CYB5R4: variants seen among roughly 807,000 people sequenced by gnomAD.
The protein encoded by CYB5R4 is N-terminal cytochrome b5 and cytochrome b5 oxidoreductase domain-containing protein.
In CYB5R4, 55 loss-of-function variants were observed where a neutral mutation model predicts 70.2. The ratio of observed to expected loss-of-function variants is 0.78; its 90% CI spans 0.63 to 0.98. The LOEUF (loss-of-function observed/expected upper bound fraction) is 0.98, where lower values mean the gene tolerates loss of function less well. Ranked by LOEUF, CYB5R4 falls within the 50% of genes least tolerant of loss-of-function variation. CYB5R4 has a pLI of 0.00. For missense variants in CYB5R4, 562 were observed against 612.6 expected, an observed-to-expected ratio of 0.92 and a Z score of 0.87; for synonymous variants, 197 against 199.5, an observed-to-expected ratio of 0.99 and a Z score of 0.11.
intron 2 of CYB5R4, among the ~76,000 whole-genome samples, chr6:83,864,566 T>C (rs1371088934): frequency 6.6e-6 from 1 of 152,232 alleles, no homozygotes; most frequent in Non-Finnish European, 1.5e-5. Context: ...CTTGCTTCCT[T>C]GTACTGCATT....
At chr6:83,892,483 T>C (rs565158694) in intron 2 of CYB5R4, among the ~76,000 whole-genome samples, 2 of 152,340 alleles carry the variant, frequency 1.3e-5, no homozygotes, top group Admixed American at 6.5e-5. Context: ...GCTAGATTTG[T>C]CTGGTATCTA....
At chr6:83,923,835 A>G (rs1002898171) in intron 9 of CYB5R4, among the ~76,000 whole-genome samples, 1 of 151,782 alleles carries the variant, frequency 6.6e-6, no homozygotes, top group Admixed American at 6.6e-5. Context: ...AGAGGCTGAC[A>G]TGGGCGGATC....
intron 4 of CYB5R4, among the ~76,000 whole-genome samples, chr6:83,913,103 A>C (rs2099464943): frequency 6.6e-6 from 1 of 152,212 alleles, no homozygotes. Context: ...CTTATTGTAC[A>C]CTGAAAATAG....
chr6:83,939,950 AG>A (rs1262078851), intron 12 of CYB5R4, 105 bp from the exon 13 acceptor site: 3 of 708,810 alleles, frequency 4.2e-6, no homozygotes, highest in South Asian at 1.9e-5. Flanking sequence ...GTTACTCCTC[AG>A]TGTTTTAAAT....
chr6:83,900,103 T>C (rs971744591), intron 3 of CYB5R4, among the ~76,000 whole-genome samples: 11 of 152,208 alleles, frequency 7.2e-5, no homozygotes, highest in Non-Finnish European at 1.6e-4. Context: ...TGTGGGCATT[T>C]AGTGCTTTAA....
chr6:83,891,684 T>TG (rs1035211111), intron 2 of CYB5R4, among the ~76,000 whole-genome samples: 1 of 152,182 alleles, frequency 6.6e-6, no homozygotes, highest in Non-Finnish European at 1.5e-5. Flanking sequence ...TTTTTTCGTC[T>TG]GGAAAGCATG....
At chr6:83,864,401 A>G (rs979121659) in intron 2 of CYB5R4, 73 bp downstream of exon 2, 14 of 1,321,520 alleles carry the variant, frequency 1.1e-5, no homozygotes, top group Middle Eastern at 2.5e-4. Context: ...ATAACCTCAC[A>G]GTCATGTTAT....
At chr6:83,928,299 G>A (rs966673760) in intron 10 of CYB5R4, among the ~76,000 whole-genome samples, 1 of 152,166 alleles carries the variant, frequency 6.6e-6, no homozygotes, top group African/African-American at 2.4e-5. Flanking sequence ...TTTCCCAGGT[G>A]GAAGATAGAA....
intron 10 of CYB5R4, among the ~76,000 whole-genome samples, chr6:83,933,240 A>G (rs1229072432): frequency 2.6e-5 from 4 of 152,214 alleles, no homozygotes; most frequent in African/African-American, 9.6e-5. Flanking sequence ...GTGCCCTGGC[A>G]CTAGAGTGAG....
rs1310779714 is a variant in CYB5R4 at position 83,962,493 on chromosome 6, TTAA to T, written c.*2616_*2618del. 1 of 152,162 alleles carries T rather than the reference TTAA, an allele frequency of 6.6e-6. No individual in the cohort carries two copies. The highest frequency in any genetic ancestry group is 2.4e-5 in the African/African-American group (1 of 41,428). The allele number at this position is 152,162 out of a possible 1,614,324, so 9.4% of individuals were successfully genotyped here. On this transcript the variant is annotated 3_prime_UTR_variant, in exon 16 of 16. Transcript: ENST00000369681. ...CATTTGCTTGCAAATTCTGCTTTTT[TTAA>T]AAAAAAGTTTATTAATTTTCTATTG...
rs1219210106 is a variant in CYB5R4, at chr6:83,961,385, G to GT, written c.*1508dup. The GT allele has an allele frequency of 6.6e-6, 1 of 151,808 alleles. No homozygotes were observed. Among genetic ancestry groups the GT allele is most frequent in the Admixed American group, 6.6e-5 (1 of 15,240 alleles). The allele number at this position is 151,808 out of a possible 1,614,324, so 9.4% of individuals were successfully genotyped here. A position where few individuals can be genotyped will look rare whatever the true frequency, so the allele number is the denominator to read the frequency against. On this transcript the variant is annotated 3_prime_UTR_variant, in exon 16 of 16. Coordinates refer to ENST00000369681, the MANE Select transcript of CYB5R4 (RefSeq NM_016230.4). ...CCTCACCCAAATCTCCTCTCAAATTGTAATTCCCACATGTCGAGGGAGGGT... is the reference window on the plus strand; with the variant it reads ...CCTCACCCAAATCTCCTCTCAAATTGTTAATTCCCACATGTCGAGGGAGGGT...
intron 4 of CYB5R4, chr6:83,910,179 A>G: frequency 6.4e-7 from 1 of 1,562,590 alleles, no homozygotes; most frequent in Non-Finnish European, 8.7e-7. Flanking sequence ...GTGAGCAAGG[A>G]CAAGACATCT....
intron 2 of CYB5R4, among the ~76,000 whole-genome samples, chr6:83,892,627 T>G (rs1391947252): frequency 6.6e-6 from 1 of 152,168 alleles, no homozygotes; most frequent in Non-Finnish European, 1.5e-5. Flanking sequence ...AAAGAAATAT[T>G]TGGAGAAGAC....
Position 83,940,592 on chromosome 6 carries a change from A to C in CYB5R4, c.1337A>C (p.Lys446Thr). ...WRSQLEKLAF[K>T]DKRLDVEFVL... ...AGCCAATTGGAGAAATTAGCATTTA[A>C]AGATAAAAGGTATTAAACTGATATT... Residue 446 changes from lysine to threonine, a missense_variant, in exon 14 of 16, where the codon AAA (lysine) becomes ACA (threonine). Physicochemically the swap from Lys to Thr is moderately conservative, Grantham distance 78. Transcript: ENST00000369681. 6.2e-7 allele frequency: 1 copy of C among 1,601,508 alleles called. No individual in the cohort carries two copies. The highest frequency in any genetic ancestry group is 1.1e-5 in the South Asian group (1 of 88,244).
intron 13 of CYB5R4, 81 bp downstream of exon 13, chr6:83,940,287 G>A: frequency 7.8e-7 from 1 of 1,279,322 alleles, no homozygotes; most frequent in Non-Finnish European, 1.1e-6. Context: ...TTACTCACTG[G>A]ACCTTAATAG....
chr6:83,897,523 G>A (rs568905688), intron 3 of CYB5R4, among the ~76,000 whole-genome samples: 2 of 152,294 alleles, frequency 1.3e-5, no homozygotes, highest in Non-Finnish European at 2.9e-5. Flanking sequence ...AACAGTAAAA[G>A]TGTTCCTGTT....
chr6:83,873,983 G>A (rs1562827260), intron 2 of CYB5R4, among the ~76,000 whole-genome samples: 1 of 152,128 alleles, frequency 6.6e-6, no homozygotes, highest in Non-Finnish European at 1.5e-5. Context: ...TGTGATAAAA[G>A]AAATTATGTA....
intron 2 of CYB5R4, among the ~76,000 whole-genome samples, chr6:83,865,545 C>A (rs35963130): frequency 0.044 from 6,741 of 152,228 alleles, 153 homozygotes; most frequent in African/African-American, 0.051. Flanking sequence ...ACTTCATCTT[C>A]ACGTGGCATA....
At chr6:83,864,037 A>G in intron 1 of CYB5R4, 138 bp from the exon 2 acceptor site, 1 of 758,006 alleles carries the variant, frequency 1.3e-6, no homozygotes, top group Non-Finnish European at 2.0e-6. Context: ...TATAATTCAA[A>G]TACAGCATAA....
Sources: allele counts gnomAD v4.1 joint callset (sites outside exome capture counted in the v4.1 genomes callset), GRCh38; gene constraint gnomAD v4.1.1; transcripts MANE v1.5; gene names NCBI Gene and HGNC (gene_info 2026-07-23, HGNC 2026-07-21).